The following MAN1C1 variants were observed in gnomAD, a reference collection of about 807,000 sequenced individuals.
The protein encoded by MAN1C1 is mannosidase alpha class 1C member 1.
A neutral mutation model predicts 71.5 loss-of-function variants in MAN1C1; 49 were observed. The observed-to-expected ratio is 0.69, with a 90% CI of 0.54 to 0.87. The LOEUF is 0.87. Ranked by LOEUF, MAN1C1 falls within the 40% of genes least tolerant of loss-of-function variation. The pLI is 0.00. For missense variants in MAN1C1, 743 were observed against 835.0 expected (o/e 0.89, Z 1.36); for synonymous variants, 352 against 343.7 (o/e 1.02, Z -0.27).
chr1:25,640,395 C>G (rs189563988), intron 1 of MAN1C1, among the ~76,000 whole-genome samples: 1 of 152,338 alleles, frequency 6.6e-6, no homozygotes, highest in Admixed American at 6.5e-5. Flanking sequence ...GACATTTCAG[C>G]ACCTTTTCTG....
At chr1:25,624,930 A>G (rs1264746947) in intron 1 of MAN1C1, among the ~76,000 whole-genome samples, 1 of 150,470 alleles carries the variant, frequency 6.6e-6, no homozygotes, top group Non-Finnish European at 1.5e-5. Context: ...CTTATTTTTT[A>G]TACAACAACC....
intron 1 of MAN1C1, among the ~76,000 whole-genome samples, chr1:25,682,908 C>T (rs1022235108): frequency 6.6e-6 from 1 of 151,956 alleles, no homozygotes; most frequent in Non-Finnish European, 1.5e-5. Context: ...CGTGGTGGCA[C>T]GTGTCTGTAA....
At chr1:25,765,733 G>T (rs2047418585) in intron 7 of MAN1C1, among the ~76,000 whole-genome samples, 1 of 152,192 alleles carries the variant, frequency 6.6e-6, no homozygotes, top group African/African-American at 2.4e-5. Flanking sequence ...GGCCTAGAGA[G>T]GCAGCATTGG....
Position 25,617,767 on chromosome 1 carries a change from G to A in MAN1C1, c.-31G>A. On this transcript the variant is annotated 5_prime_UTR_variant, in exon 1 of 12. Transcript: ENST00000374332. This position sits in a 1 kb window ranked among gnomAD's most constrained non-coding sequence, Gnocchi z 5.1. ...CCCCGCAGACACGTGCCTGGACTCCGAGGGCTTCTGGAGCCACCGGCCGGG... is the reference window on the plus strand; with the variant it reads ...CCCCGCAGACACGTGCCTGGACTCCAAGGGCTTCTGGAGCCACCGGCCGGG... 1.3e-6 allele frequency: 2 copies of A among 1,552,416 alleles called. No individual in the cohort carries two copies. Among genetic ancestry groups the A allele is most frequent in the Non-Finnish European group, 1.7e-6 (2 of 1,154,888 alleles).
chr1:25,719,867 T>G (rs967361105), intron 2 of MAN1C1, among the ~76,000 whole-genome samples: 10 of 152,164 alleles, frequency 6.6e-5, no homozygotes, highest in African/African-American at 2.4e-4. Context: ...TAGTGCAACC[T>G]CCGCCTCCCA....
At chr1:25,670,499 G>C (rs112130567) in intron 1 of MAN1C1, among the ~76,000 whole-genome samples, 1 of 152,194 alleles carries the variant, frequency 6.6e-6, no homozygotes, top group Admixed American at 6.5e-5. Flanking sequence ...GAGCCTTCAG[G>C]GGGTGGGAAT....
At chr1:25,623,467 G>A (rs2045247953) in intron 1 of MAN1C1, among the ~76,000 whole-genome samples, 2 of 151,804 alleles carry the variant, frequency 1.3e-5, no homozygotes, top group Admixed American at 6.6e-5. Flanking sequence ...GGGGGGGTAA[G>A]AATATAGATT....
chr1:25,709,513 T>C (rs889831719), intron 2 of MAN1C1: 1 of 152,286 alleles, frequency 6.6e-6, no homozygotes, highest in East Asian at 1.9e-4. Context: ...CCAAAGCCCA[T>C]GCTCTTACCC....
intron 2 of MAN1C1, among the ~76,000 whole-genome samples, chr1:25,703,344 G>T (rs1205212223): frequency 6.6e-6 from 1 of 152,216 alleles, no homozygotes; most frequent in African/African-American, 2.4e-5. Flanking sequence ...CGTGAGTGGA[G>T]CCGGCACATC....
intron 2 of MAN1C1, among the ~76,000 whole-genome samples, chr1:25,689,847 G>A (rs931815993): frequency 6.6e-6 from 1 of 152,208 alleles, no homozygotes; most frequent in Non-Finnish European, 1.5e-5. Context: ...GCAGCGCCCC[G>A]CCTCCTGGTG....
At position 25,764,207 on chromosome 1, in the gene MAN1C1, T is replaced by C. The variant is rs1370486942; in HGVS notation, c.1141+240T>C. ...GCTGCTGTTTACTGAAGGCCTGCCC[T>C]GTGCGTTCCAAACCCTACCTTCTCT... On this transcript the variant is annotated intron_variant, in intron 7 of 11. Coordinates refer to ENST00000374332, the MANE Select transcript of MAN1C1 (RefSeq NM_020379.4). The surrounding 1 kb of genome is among the most constrained non-coding windows in gnomAD (Gnocchi z 4.4). Among the ~76,000 whole-genome samples the C allele has an allele frequency of 6.6e-6, 1 of 152,196 alleles. No individual in the cohort carries two copies. The highest frequency in any genetic ancestry group is 1.5e-5 in the Non-Finnish European group (1 of 68,026).
intron 3 of MAN1C1, among the ~76,000 whole-genome samples, chr1:25,748,314 C>A (rs895526981): frequency 2.0e-5 from 3 of 152,180 alleles, no homozygotes; most frequent in Admixed American, 6.5e-5. Flanking sequence ...TGAAGGGGAG[C>A]GGTTTTGCAG....
chr1:25,777,675 A>T (rs530467321), intron 8 of MAN1C1: 36 of 161,892 alleles, frequency 2.2e-4, no homozygotes, highest in Admixed American at 9.6e-4. Context: ...ATAGATGGAC[A>T]CTCTTCCCAT....
At chr1:25,627,893 A>T (rs1262914339) in intron 1 of MAN1C1, among the ~76,000 whole-genome samples, 2 of 151,800 alleles carry the variant, frequency 1.3e-5, no homozygotes, top group Admixed American at 6.6e-5. Flanking sequence ...AAATACAAAA[A>T]TTATCCAGGC....
intron 1 of MAN1C1, among the ~76,000 whole-genome samples, chr1:25,638,205 T>G (rs2045490455): frequency 6.6e-6 from 1 of 152,146 alleles, no homozygotes; most frequent in Non-Finnish European, 1.5e-5. Flanking sequence ...GAAACATACT[T>G]TAAGTTATTG....
chr1:25,771,746 A>G lies in MAN1C1; in HGVS notation c.1231A>G (p.Lys411Glu). The change falls in exon 8 of 12, where the codon AAA (lysine) becomes GAA (glutamate). Residue 411 changes from lysine (K) to glutamate (E), a missense_variant. Physicochemically the swap from Lys to Glu is moderately conservative, Grantham distance 56. Transcript: ENST00000374332. ...GTCGGGCAAGACAGATATGGAGGCT[A>G]AAAATATGTACTACGAAGCCTTGGA... ...LMSGKTDMEA[K>E]NMYYEALEAI... is the part of the protein sequence containing the mutation. The G allele has an allele frequency of 1.2e-6, 2 of 1,613,734 alleles. No individual in the cohort carries two copies. Among genetic ancestry groups the G allele is most frequent in the African/African-American group, 1.3e-5 (1 of 75,066 alleles).
rs143955193 is a variant in MAN1C1, at chr1:25,716,230, T to C, written c.637+29694T>C. Among the ~76,000 whole-genome samples the C allele has an allele frequency of 1.3e-3, 193 of 152,362 alleles. 3 individuals are homozygous for C. In the Middle Eastern group the frequency reaches 0.014, roughly 11 times the overall value. The stretch of plus-strand genomic sequence containing the variant: ...CAGCTAAAATTGTTGCTTCTGTTTC[T>C]ATGGAAATTGAAGGAGAATGGATAT... On this transcript the variant is annotated intron_variant, in intron 2 of 11. Transcript: ENST00000374332.
intron 2 of MAN1C1, among the ~76,000 whole-genome samples, chr1:25,739,602 C>T (rs970630936): frequency 6.6e-6 from 1 of 152,102 alleles, no homozygotes; most frequent in Non-Finnish European, 1.5e-5. Flanking sequence ...GGATACAGAC[C>T]GTGATCCAGG....
intron 2 of MAN1C1, among the ~76,000 whole-genome samples, chr1:25,707,006 C>T (rs917904914): frequency 8.5e-5 from 13 of 152,236 alleles, no homozygotes; most frequent in Non-Finnish European, 1.3e-4. Context: ...GCAGAAGAGA[C>T]AGAATGGGGA....
Sources: gnomAD v4.1 joint callset for allele counts (sites outside exome capture counted in the v4.1 genomes callset) on GRCh38, gnomAD v4.1.1 for gene constraint, Gnocchi (gnomAD v3.1) non-coding constraint, MANE v1.5 for transcripts, NCBI Gene and HGNC (gene_info 2026-07-23, HGNC 2026-07-21) for gene names.